The following SHANK1 variants were observed in gnomAD, a reference collection of about 807,000 sequenced individuals.
SHANK1 encodes the protein SH3 and multiple ankyrin repeat domains protein 1.
A neutral mutation model predicts 165.6 loss-of-function variants in SHANK1; 35 were observed. That is an observed-to-expected ratio of 0.21 (90% CI 0.16 to 0.28). The LOEUF (loss-of-function observed/expected upper bound fraction) is 0.28. SHANK1 is among the 10% of genes least tolerant of loss of function. The pLI, the probability that SHANK1 is intolerant of heterozygous loss-of-function variation, is 1.00. For synonymous variants in SHANK1, 1,428 were observed against 1,384.8 expected (o/e 1.03, Z -0.69); for missense variants, 2,681 against 3,036.4 (o/e 0.88, Z 2.75).
At chr19:50,666,081 C>A in intron 23 of SHANK1, 111 bp downstream of exon 23, 1 of 1,038,294 alleles carries the variant, frequency 9.6e-7, no homozygotes, top group South Asian at 1.9e-5. Flanking sequence ...TGACAGCAAA[C>A]TCCTGCCAAC....
At position 50,702,638 on chromosome 19, in the gene SHANK1, C is replaced by T. The variant is rs748697913; in HGVS notation, c.1576G>A (p.Gly526Arg). ...RPSSSGTPRE[G>R]PAGGTGGSGG... Reference sequence around the variant, plus strand: ...GAGCCCCCCGTGCCCCCGGCTGGCCCTTCCCGGGGTGTCCCGCTGGAGCTG... The same window carrying T: ...GAGCCCCCCGTGCCCCCGGCTGGCCTTTCCCGGGGTGTCCCGCTGGAGCTG... Residue 526 changes from glycine (G) to arginine (R), a missense_variant, in exon 12 of 24, where the codon GGG becomes AGG. Gly to Arg is a moderately radical substitution (Grantham distance 125, BLOSUM62 -2). This residue lies in a region of SHANK1 where 195 missense variants were observed against 186.2 expected (regional missense o/e 1.05). Transcript: ENST00000293441. The surrounding 1 kb of genome is among the most constrained non-coding windows in gnomAD (Gnocchi z 5.3). The T allele has an allele frequency of 6.3e-7, 1 of 1,577,778 alleles. No individual in the cohort carries two copies.
intron 23 of SHANK1, 26 bp downstream of exon 23, chr19:50,666,166 C>A: frequency 6.5e-7 from 1 of 1,542,296 alleles, no homozygotes; most frequent in South Asian, 1.2e-5. Flanking sequence ...TCTGGCCTCC[C>A]TTGTTGGCCA....
chr19:50,660,564 C>T lies in SHANK1; in HGVS notation c.*1401G>A, dbSNP rs1985162159. On this transcript the variant is annotated 3_prime_UTR_variant, in exon 24 of 24. Transcript: ENST00000293441. Reference sequence around the variant, plus strand: ...TCAGGAAAAGAAATGACAGTTACAGCCCAAGAGTGCATGGAATGAGATGAG... The same window carrying T: ...TCAGGAAAAGAAATGACAGTTACAGTCCAAGAGTGCATGGAATGAGATGAG... 6.6e-6 allele frequency among the ~76,000 whole-genome samples: 1 copy of T among 151,848 alleles called. No individual in the cohort carries two copies. The highest frequency in any genetic ancestry group is 1.5e-5 in the Non-Finnish European group (1 of 67,988).
In SHANK1 at chr19:50,702,421, C is replaced by G. The variant is rs748942213; in HGVS notation, c.1747+46G>C. On this transcript the variant is annotated intron_variant, in intron 12 of 23. Transcript: ENST00000293441. The surrounding 1 kb of genome is among the most constrained non-coding windows in gnomAD (Gnocchi z 5.3). ...CTCTGCTCCACATTTTCCCTGATCG[C>G]CCCCACAGCCCAGCCCAGCCCAGGC... 91 of 1,532,612 alleles carry G rather than the reference C, an allele frequency of 5.9e-5. No homozygotes were observed. In the African/African-American group the frequency reaches 1.1e-3, roughly 18 times the overall value. 94.9% of individuals were successfully genotyped at this position (1,532,612 alleles called of 1,614,324 possible).
At chr19:50,669,780 AAAATCAGGT>A (rs1336233799) in intron 22 of SHANK1, among the ~76,000 whole-genome samples, 12 of 151,908 alleles carry the variant, frequency 7.9e-5, no homozygotes, top group Non-Finnish European at 1.6e-4. Flanking sequence ...TATAAAAAAA[AAAATCAGGT>A]AAACGATGCG....
intron 21 of SHANK1, among the ~76,000 whole-genome samples, chr19:50,679,242 G>A (rs1986093488): frequency 6.7e-6 from 1 of 148,392 alleles, no homozygotes; most frequent in Non-Finnish European, 1.5e-5. Flanking sequence ...ACGGGAGAGG[G>A]CTTAGAGTGG....
In SHANK1 at chr19:50,662,526, G is replaced by C; in HGVS notation, c.5925C>G (p.Ser1975=). 6.4e-7 allele frequency: 1 copy of C among 1,559,522 alleles called. No homozygotes were observed. The highest frequency in any genetic ancestry group is 1.4e-5 in the African/African-American group (1 of 73,700). Residue 1975 remains serine, a synonymous_variant, in exon 24 of 24, where the codon TCC becomes TCG. Coordinates refer to ENST00000293441, the MANE Select transcript of SHANK1 (RefSeq NM_016148.5). The surrounding 1 kb of genome is among the most constrained non-coding windows in gnomAD (Gnocchi z 7.7). Reference sequence around the variant, plus strand: ...GGAGGTGGCGGGTGGACGTGGAGGAGGAGGAGGCTGAGGGTGAGGTGGCCC... The same window carrying C: ...GGAGGTGGCGGGTGGACGTGGAGGACGAGGAGGCTGAGGGTGAGGTGGCCC... ...APGATSPSAS[S]SSTSTRHLQG...
chr19:50,695,621 C>T (rs1986715484), intron 15 of SHANK1, among the ~76,000 whole-genome samples: 1 of 151,294 alleles, frequency 6.6e-6, no homozygotes, highest in African/African-American at 2.4e-5. Flanking sequence ...CTCGCAGCCG[C>T]GTGCACGGAC....
Position 50,711,461 on chromosome 19 carries a change from G to T in SHANK1, c.987C>A (p.His329Gln). ...CCCCGTAGAAAAGCAGATGCTCCAG[G>T]TGCTGAGAGTGACCCCGCTGGCAGG... ...HQACQRGHSQ[H>Q]LEHLLFYGAE... Residue 329 changes from histidine to glutamine, a missense_variant, in exon 8 of 24, where the codon CAC becomes CAA. His to Gln is a conservative substitution (Grantham distance 24). Transcript: ENST00000293441. The T allele has an allele frequency of 1.9e-6, 3 of 1,571,266 alleles. No homozygotes were observed. Among genetic ancestry groups the T allele is most frequent in the Non-Finnish European group, 2.6e-6 (3 of 1,158,510 alleles).
chr19:50,681,674 G>A (rs1220893399), intron 21 of SHANK1, among the ~76,000 whole-genome samples: 3 of 152,202 alleles, frequency 2.0e-5, no homozygotes, highest in African/African-American at 4.8e-5. Flanking sequence ...AGTCTGATAC[G>A]CTATTGTGGG....
In SHANK1 at chr19:50,704,628, C is replaced by A. The variant is rs2088916199; in HGVS notation, c.1078-114G>T. ...TCAGGAATAAATACTCCACCCTAAA[C>A]CCGCACCACTGAGGACAGCAGCCAC... On this transcript the variant is annotated intron_variant, in intron 8 of 23. Transcript: ENST00000293441. 7.4e-6 allele frequency: 7 copies of A among 941,236 alleles called. No individual in the cohort carries two copies. In the Admixed American group the frequency reaches 1.2e-4, roughly 16 times the overall value. 58.3% of individuals were successfully genotyped at this position (941,236 alleles called of 1,614,324 possible).
chr19:50,691,574 T>C (rs1362776871), intron 15 of SHANK1, among the ~76,000 whole-genome samples: 10 of 152,238 alleles, frequency 6.6e-5, no homozygotes, highest in Admixed American at 6.5e-4. Context: ...GCACTTGCCA[T>C]TGGCTGGGCA....
At chr19:50,663,940 C>CTCTTTTTT (rs370276151) in intron 23 of SHANK1, among the ~76,000 whole-genome samples, 1 of 108,936 alleles carries the variant, frequency 9.2e-6, no homozygotes, top group African/African-American at 3.8e-5. Context: ...CTCTCTCTCT[C>CTCTTTTTT]TTTTTTTTTT....
intron 21 of SHANK1, among the ~76,000 whole-genome samples, chr19:50,680,665 T>C (rs112473843): frequency 6.6e-6 from 1 of 151,516 alleles, no homozygotes; most frequent in South Asian, 2.1e-4. Context: ...TCTTTTTTTT[T>C]TTTTCCCCGA....
chr19:50,703,176 A>ACC (rs534233173), intron 11 of SHANK1, among the ~76,000 whole-genome samples: 3 of 91,324 alleles, frequency 3.3e-5, no homozygotes, highest in Non-Finnish European at 6.9e-5. Context: ...AGTCCCTGCC[A>ACC]CCCCCCCCAT....
chr19:50,689,508 A>G (rs989978210), intron 15 of SHANK1: 1 of 667,590 alleles, frequency 1.5e-6, no homozygotes, highest in African/African-American at 1.8e-5. Flanking sequence ...CTCCTCATTC[A>G]TCCATCCATG....
chr19:50,662,730 C>G lies in SHANK1; in HGVS notation c.5769-48G>C. The G allele has an allele frequency of 2.2e-6, 3 of 1,353,706 alleles. No individual in the cohort carries two copies. Among genetic ancestry groups the G allele is most frequent in the Non-Finnish European group, 1.9e-6 (2 of 1,027,764 alleles). 83.9% of individuals were successfully genotyped at this position (1,353,706 alleles called of 1,614,324 possible). ...TGGGGGAGGACAGGGATTTAGGGGG[C>G]AAGGGCAGGGGTGAGAAAGAGGCAG... On this transcript the variant is annotated intron_variant, in intron 23 of 23. Transcript: ENST00000293441. The surrounding 1 kb of genome is among the most constrained non-coding windows in gnomAD (Gnocchi z 7.7).
chr19:50,686,618 G>T lies in SHANK1; in HGVS notation c.2458+126C>A. 2.2e-6 allele frequency: 2 copies of T among 890,232 alleles called. No individual in the cohort carries two copies. Among genetic ancestry groups the T allele is most frequent in the Non-Finnish European group, 3.5e-6 (2 of 577,020 alleles). The allele number at this position is 890,232 out of a possible 1,614,324, so 55.1% of individuals were successfully genotyped here. On this transcript the variant is annotated intron_variant, in intron 20 of 23. Transcript: ENST00000293441. This position sits in a 1 kb window ranked among gnomAD's most constrained non-coding sequence, Gnocchi z 5.7. Reference sequence around the variant, plus strand: ...GGAGAGGGCGGGCGGAGGGAGGGGAGGTGGGATCGCAGCCTCTCTGGGGCA... The same window carrying T: ...GGAGAGGGCGGGCGGAGGGAGGGGATGTGGGATCGCAGCCTCTCTGGGGCA...
In SHANK1 at chr19:50,718,198, G is replaced by T. The variant is rs2089090729; in HGVS notation, c.-44+1208C>A. On this transcript the variant is annotated intron_variant, in intron 1 of 23. Coordinates refer to ENST00000293441, the MANE Select transcript of SHANK1 (RefSeq NM_016148.5). The surrounding 1 kb of genome is among the most constrained non-coding windows in gnomAD (Gnocchi z 5.1). ...AGTTCCAGGAGGTGTGGGCGAGCGA[G>T]CCTCTAACCCAGGGCCGGCGGACCC... Among the ~76,000 whole-genome samples, 1 of 152,136 alleles carries T rather than the reference G, an allele frequency of 6.6e-6. No homozygotes were observed. Among genetic ancestry groups the T allele is most frequent in the African/African-American group, 2.4e-5 (1 of 41,414 alleles).
Sources: gnomAD v4.1 joint callset for allele counts (sites outside exome capture counted in the v4.1 genomes callset) on GRCh38, gnomAD v4.1.1 for gene constraint, gnomAD v4.1.1 regional missense constraint, Gnocchi (gnomAD v3.1) non-coding constraint, MANE v1.5 for transcripts, NCBI Gene and HGNC (gene_info 2026-07-23, HGNC 2026-07-21) for gene names.